The following RABGAP1 variants were observed in gnomAD, a reference collection of about 807,000 sequenced individuals.
RABGAP1 encodes rab GTPase-activating protein 1.
Under a neutral mutation model 137.6 loss-of-function variants are expected in RABGAP1, and 23 were observed. That is an observed-to-expected ratio of 0.17 (90% CI 0.12 to 0.24). The LOEUF is 0.24. RABGAP1 is among the 10% of genes least tolerant of loss of function. The pLI is 1.00. For synonymous variants in RABGAP1, 451 were observed against 450.7 expected, an observed-to-expected ratio of 1.00 and a Z score of -0.01; for missense variants, 906 against 1,275.8, an observed-to-expected ratio of 0.71 and a Z score of 4.42.
At chr9:123,062,574 T>G (rs931378536) in intron 13 of RABGAP1, 1 of 152,208 alleles carries the variant, frequency 6.6e-6, no homozygotes, top group African/African-American at 2.4e-5. Flanking sequence ...CTCCTCAATT[T>G]ATTATCATTC....
At chr9:123,016,070 G>T (rs895134095) in intron 12 of RABGAP1, among the ~76,000 whole-genome samples, 1 of 152,040 alleles carries the variant, frequency 6.6e-6, no homozygotes. Flanking sequence ...CATAAGCATG[G>T]TATATATTAC....
intron 9 of RABGAP1, 30 bp from the exon 10 acceptor site, chr9:122,998,567 C>T (rs796364937): frequency 2.8e-6 from 4 of 1,436,800 alleles, no homozygotes; most frequent in African/African-American, 1.4e-5. Flanking sequence ...TTCTGATTTA[C>T]CTCTTCAGCC....
chr9:123,036,131 T>G (rs1183177484), intron 13 of RABGAP1, among the ~76,000 whole-genome samples: 3 of 152,262 alleles, frequency 2.0e-5, no homozygotes, highest in Non-Finnish European at 4.4e-5. Context: ...CACTGCAAGT[T>G]TCAACACTGT....
chr9:122,997,152 A>C, intron 8 of RABGAP1, 107 bp from the exon 9 acceptor site: 1 of 744,558 alleles, frequency 1.3e-6, no homozygotes, highest in Non-Finnish European at 2.2e-6. Context: ...ATCCTCTTCC[A>C]TATTCTTATA....
intron 22 of RABGAP1, 53 bp from the exon 23 acceptor site, chr9:123,098,662 A>T: frequency 6.5e-7 from 1 of 1,535,238 alleles, no homozygotes; most frequent in Non-Finnish European, 8.9e-7. Context: ...TGGTGGCAGA[A>T]CTTCCTTTAT....
chr9:122,963,286 T>G (rs1834949917), intron 2 of RABGAP1, among the ~76,000 whole-genome samples: 2 of 152,142 alleles, frequency 1.3e-5, no homozygotes, highest in Admixed American at 1.3e-4. Flanking sequence ...CTGCTTTCAA[T>G]AATGAAGGGG....
chr9:122,937,154 A>T (rs971529224), upstream of RABGAP1, among the ~76,000 whole-genome samples: 34 of 152,362 alleles, frequency 2.2e-4, 1 homozygote, highest in Admixed American at 5.2e-4. Flanking sequence ...TAAAATTTTT[A>T]AAAAAATCAC....
chr9:123,009,347 A>C (rs188221039), intron 10 of RABGAP1, among the ~76,000 whole-genome samples: 1 of 152,324 alleles, frequency 6.6e-6, no homozygotes, highest in African/African-American at 2.4e-5. Flanking sequence ...GGGTTAATTT[A>C]TTTTAAGAAC....
intron 13 of RABGAP1, among the ~76,000 whole-genome samples, chr9:123,040,395 G>T (rs185409358): frequency 6.6e-6 from 1 of 152,272 alleles, no homozygotes; most frequent in East Asian, 1.9e-4. Context: ...TGCTTGGTGG[G>T]AATGGAATCT....
At chr9:123,097,904 C>T in intron 22 of RABGAP1, 59 bp downstream of exon 22, 1 of 1,444,966 alleles carries the variant, frequency 6.9e-7, no homozygotes, top group Non-Finnish European at 9.5e-7. Context: ...GGGAGTTCAG[C>T]TGGTGGCTTC....
chr9:122,993,648 G>A (rs1836860490), intron 6 of RABGAP1, among the ~76,000 whole-genome samples: 1 of 152,084 alleles, frequency 6.6e-6, no homozygotes, highest in African/African-American at 2.4e-5. Flanking sequence ...TTTGTTTGTT[G>A]TTGAGACAGG....
chr9:122,950,018 G>T (rs1834145722), intron 1 of RABGAP1, among the ~76,000 whole-genome samples: 1 of 152,170 alleles, frequency 6.6e-6, no homozygotes, highest in Non-Finnish European at 1.5e-5. Context: ...ATGGAAATTG[G>T]CTCCAGATTT....
intron 1 of RABGAP1, among the ~76,000 whole-genome samples, chr9:122,944,546 A>G (rs1370158487): frequency 1.3e-5 from 2 of 151,004 alleles, no homozygotes; most frequent in Non-Finnish European, 2.9e-5. Context: ...TCTTCTTTTG[A>G]AACGGAGTCT....
intron 1 of RABGAP1, among the ~76,000 whole-genome samples, chr9:122,949,090 G>A (rs1313183196): frequency 2.0e-5 from 3 of 152,186 alleles, no homozygotes; most frequent in Admixed American, 6.5e-5. Context: ...GAAAAGAAGC[G>A]TTGGGCTAGG....
At chr9:123,013,250 T>C (rs545984668) in intron 11 of RABGAP1, among the ~76,000 whole-genome samples, 2 of 152,242 alleles carry the variant, frequency 1.3e-5, no homozygotes, top group Non-Finnish European at 1.5e-5. Flanking sequence ...TTTTAATAAA[T>C]AGAAAATTAC....
intron 2 of RABGAP1, among the ~76,000 whole-genome samples, chr9:122,976,319 T>C (rs1835757782): frequency 6.6e-6 from 1 of 152,224 alleles, no homozygotes; most frequent in South Asian, 2.1e-4. Flanking sequence ...GTACTATTCA[T>C]AAATATTTGT....
intron 25 of RABGAP1, among the ~76,000 whole-genome samples, chr9:123,102,215 C>T (rs559880020): frequency 6.6e-6 from 1 of 152,302 alleles, no homozygotes; most frequent in South Asian, 2.1e-4. Context: ...AGCTTTTGTT[C>T]TTCCAGTTCC....
At chr9:123,050,288 C>A (rs2033397639) in intron 13 of RABGAP1, among the ~76,000 whole-genome samples, 1 of 152,164 alleles carries the variant, frequency 6.6e-6, no homozygotes, top group South Asian at 2.1e-4. Context: ...TTTACTATTT[C>A]TTTTTGGTCC....
the RABGAP1 span, among the ~76,000 whole-genome samples, chr9:122,934,358 G>A: frequency 2.0e-5 from 3 of 152,104 alleles, no homozygotes; most frequent in Non-Finnish European, 2.9e-5. Flanking sequence ...GATTACAGGC[G>A]TGAGCCACCA....
Sources: allele counts gnomAD v4.1 joint callset (sites outside exome capture counted in the v4.1 genomes callset), GRCh38; gene constraint gnomAD v4.1.1; transcripts MANE v1.5; gene names NCBI Gene and HGNC (gene_info 2026-07-23, HGNC 2026-07-21).